TNFRSF10B: variants seen among roughly 807,000 people sequenced by gnomAD.
TNFRSF10B encodes the protein tumor necrosis factor receptor superfamily member 10B.
Under a neutral mutation model 41.4 loss-of-function variants are expected in TNFRSF10B, and 35 were observed. That is an observed-to-expected ratio of 0.85 (90% CI 0.65 to 1.12). TNFRSF10B has a LOEUF of 1.12. TNFRSF10B is among the 50% of genes most tolerant of loss of function. The pLI is 0.00. For missense variants in TNFRSF10B, 584 were observed against 552.7 expected (o/e 1.06, Z -0.57); for synonymous variants, 230 against 215.5 (o/e 1.07, Z -0.59).
intron 5 of TNFRSF10B, 109 bp downstream of exon 5, chr8:23,028,222 T>C (rs1012741196): frequency 5.4e-6 from 8 of 1,489,896 alleles, no homozygotes; most frequent in Middle Eastern, 2.3e-4. Flanking sequence ...AGAGCCAGGC[T>C]GGAGGCACTT....
intron 7 of TNFRSF10B, among the ~76,000 whole-genome samples, 195 bp downstream of exon 7, chr8:23,026,938 G>A (rs1015944114): frequency 6.6e-6 from 1 of 152,154 alleles, no homozygotes; most frequent in Admixed American, 6.5e-5. Flanking sequence ...ACAGGACAGG[G>A]AGTAAGAAGC....
chr8:23,052,285 C>CT (rs35496059), intron 1 of TNFRSF10B, among the ~76,000 whole-genome samples: 23,379 of 129,180 alleles, frequency 0.18, 2,962 homozygotes, highest in East Asian at 0.48. Flanking sequence ...TAAAGGGTAA[C>CT]TTTTTTTTTT....
chr8:23,031,321 C>T (rs1228274413), intron 2 of TNFRSF10B, among the ~76,000 whole-genome samples: 2 of 152,170 alleles, frequency 1.3e-5, no homozygotes, highest in African/African-American at 4.8e-5. Flanking sequence ...CATGATCTGC[C>T]TGCCTAGGCC....
chr8:23,045,702 G>A (rs1327028332), intron 1 of TNFRSF10B, among the ~76,000 whole-genome samples: 1 of 152,056 alleles, frequency 6.6e-6, no homozygotes, highest in African/African-American at 2.4e-5. Flanking sequence ...AATACCAGTA[G>A]ACCAAATTCA....
Position 23,021,413 on chromosome 8 carries a change from C to T in TNFRSF10B, c.*1258G>A. The T allele has an allele frequency of 2.2e-6, 1 of 454,110 alleles. No homozygotes were observed. The highest frequency in any genetic ancestry group is 1.6e-5 in the South Asian group (1 of 64,476). The allele number at this position is 454,110 out of a possible 1,614,324, so 28.1% of individuals were successfully genotyped here. On this transcript the variant is annotated 3_prime_UTR_variant, in exon 9 of 9. Transcript: ENST00000276431. Reference sequence around the variant, plus strand: ...GGCCATCTACTCCTGAGATGGCAACCATTTCACACCATTCTCAAGCACCAT... The same window carrying T: ...GGCCATCTACTCCTGAGATGGCAACTATTTCACACCATTCTCAAGCACCAT...
At chr8:23,031,278 G>A (rs369005624) in intron 2 of TNFRSF10B, among the ~76,000 whole-genome samples, 23 of 152,096 alleles carry the variant, frequency 1.5e-4, no homozygotes, top group East Asian at 1.2e-3. Context: ...GGGTTTCACC[G>A]TATTGGCCAG....
intron 1 of TNFRSF10B, among the ~76,000 whole-genome samples, chr8:23,046,634 A>AC (rs1441173596): frequency 1.5e-5 from 2 of 131,616 alleles, no homozygotes; most frequent in African/African-American, 3.0e-5. Flanking sequence ...AAAAAAAAAA[A>AC]CACAAATAGC....
chr8:23,062,785 A>G (rs1273138083), intron 1 of TNFRSF10B, among the ~76,000 whole-genome samples: 2 of 152,220 alleles, frequency 1.3e-5, no homozygotes, highest in Non-Finnish European at 1.5e-5. Flanking sequence ...CATATGCATC[A>G]GTACTCCATT....
intron 1 of TNFRSF10B, among the ~76,000 whole-genome samples, chr8:23,045,887 T>C (rs957621233): frequency 6.6e-6 from 1 of 152,142 alleles, no homozygotes; most frequent in Non-Finnish European, 1.5e-5. Context: ...AAACACAACA[T>C]TCTTTCATGA....
intron 1 of TNFRSF10B, among the ~76,000 whole-genome samples, chr8:23,066,697 A>T (rs577936615): frequency 6.6e-6 from 1 of 151,708 alleles, no homozygotes; most frequent in East Asian, 2.0e-4. Flanking sequence ...CACGAGCCAG[A>T]CCATCCTGGC....
intron 1 of TNFRSF10B, among the ~76,000 whole-genome samples, chr8:23,066,503 C>T (rs1175834648): frequency 6.6e-6 from 1 of 152,158 alleles, no homozygotes; most frequent in African/African-American, 2.4e-5. Flanking sequence ...AGAACAGATA[C>T]TAAGTTAGCT....
chr8:23,050,321 T>C (rs1470942709), intron 1 of TNFRSF10B, among the ~76,000 whole-genome samples: 1 of 152,168 alleles, frequency 6.6e-6, no homozygotes, highest in Non-Finnish European at 1.5e-5. Flanking sequence ...TTCCTTTTGA[T>C]ACCATGTAAA....
At chr8:23,037,345 C>A (rs1016913557) in intron 2 of TNFRSF10B, among the ~76,000 whole-genome samples, 8 of 152,208 alleles carry the variant, frequency 5.3e-5, no homozygotes, top group African/African-American at 1.9e-4. Context: ...GAGTCCAACA[C>A]TGAGTCTCTG....
chr8:23,037,381 CT>C (rs1245970113), intron 2 of TNFRSF10B, among the ~76,000 whole-genome samples: 3 of 152,194 alleles, frequency 2.0e-5, no homozygotes, highest in Non-Finnish European at 4.4e-5. Context: ...GAGGGTCAGT[CT>C]GCCAGCTACC....
chr8:23,050,839 C>T (rs1812503187), intron 1 of TNFRSF10B, among the ~76,000 whole-genome samples: 1 of 152,070 alleles, frequency 6.6e-6, no homozygotes, highest in South Asian at 2.1e-4. Context: ...TTTGGAAGGC[C>T]GAGGCGGGCT....
intron 1 of TNFRSF10B, among the ~76,000 whole-genome samples, chr8:23,058,846 A>G (rs11989823): frequency 6.6e-6 from 1 of 152,142 alleles, no homozygotes; most frequent in Admixed American, 6.6e-5. Context: ...ATAGTGACTA[A>G]AATAAATGCT....
At chr8:23,023,085 C>G in intron 8 of TNFRSF10B, 101 bp from the exon 9 acceptor site, 1 of 1,464,902 alleles carries the variant, frequency 6.8e-7, no homozygotes, top group Non-Finnish European at 9.2e-7. Flanking sequence ...ACCTGGAGAG[C>G]CCCGTGTGCG....
intron 1 of TNFRSF10B, among the ~76,000 whole-genome samples, chr8:23,067,812 C>T (rs764687412): frequency 6.6e-6 from 1 of 152,218 alleles, no homozygotes; most frequent in Non-Finnish European, 1.5e-5. Context: ...TTCCTCCTCT[C>T]CCTTCCAGCC....
chr8:23,024,387 G>A (rs1811639804), intron 7 of TNFRSF10B, 127 bp from the exon 8 acceptor site: 1 of 1,043,748 alleles, frequency 9.6e-7, no homozygotes, highest in Non-Finnish European at 1.5e-6. Flanking sequence ...TGAAAGGTCT[G>A]GCAACAAGAC....
Sources: gnomAD v4.1 joint callset for allele counts (sites outside exome capture counted in the v4.1 genomes callset) on GRCh38, gnomAD v4.1.1 for gene constraint, MANE v1.5 for transcripts, NCBI Gene and HGNC (gene_info 2026-07-23, HGNC 2026-07-21) for gene names.